Variants in MAMLD1 observed in about 807,000 individuals in gnomAD.
MAMLD1 encodes mastermind like domain containing 1, also known as mastermind-like domain-containing protein 1.
Under a neutral mutation model 45.0 loss-of-function variants are expected in MAMLD1, and 14 were observed. That is an observed-to-expected ratio of 0.31 (90% CI 0.21 to 0.49). The LOEUF is 0.49. MAMLD1 is among the 20% of genes least tolerant of loss of function. MAMLD1 has a pLI of 0.99. For missense variants in MAMLD1, 543 were observed against 603.6 expected, an observed-to-expected ratio of 0.90 and a Z score of 1.05; for synonymous variants, 254 against 247.8, an observed-to-expected ratio of 1.02 and a Z score of -0.24.
At chrX:150,455,419 C>A (rs782156530) in intron 2 of MAMLD1, among the ~76,000 whole-genome samples, 2 of 112,098 alleles carry the variant, frequency 1.8e-5, no homozygotes, top group South Asian at 7.5e-4. Context: ...GCAAATGCTG[C>A]TGAGTAAACC....
intron 2 of MAMLD1, among the ~76,000 whole-genome samples, chrX:150,456,808 C>T (rs187796656): frequency 0.036 from 4,054 of 112,260 alleles, 184 homozygotes; most frequent in African/African-American, 0.12. Flanking sequence ...AGGAGCTCAC[C>T]TTTTCAGGGT....
chrX:150,448,647 G>T (rs1181654039), intron 2 of MAMLD1, among the ~76,000 whole-genome samples: 1 of 112,270 alleles, frequency 8.9e-6, no homozygotes, highest in Admixed American at 9.4e-5. Flanking sequence ...GGTTAATAAG[G>T]CATCCAGTCT....
Position 150,368,087 on chromosome X carries a change from G to A in MAMLD1, c.-64+4557G>A, listed in dbSNP as rs782169706. On this transcript the variant is annotated intron_variant, in intron 1 of 7. Coordinates refer to ENST00000370401, the MANE Select transcript of MAMLD1 (RefSeq NM_005491.5). The stretch of plus-strand genomic sequence containing the variant: ...TGGGTATATACCCAGTAATGGGATG[G>A]CTGGGTCAAATGGTATTTCTACTTC... Among the ~76,000 whole-genome samples the A allele has an allele frequency of 5.5e-3, 610 of 111,605 alleles. 3 individuals carry two copies. The highest frequency in any genetic ancestry group is 0.019 in the African/African-American group (584 of 30,605).
intron 5 of MAMLD1, among the ~76,000 whole-genome samples, chrX:150,490,775 A>G (rs1320739680): frequency 3.6e-5 from 4 of 111,953 alleles, no homozygotes; most frequent in African/African-American, 1.3e-4. Flanking sequence ...AAGACATAAA[A>G]ATCTTCAACA....
chrX:150,513,757 C>T lies in MAMLD1; in HGVS notation c.*1798C>T. 3.4e-6 allele frequency: 1 copy of T among 297,406 alleles called. No individual in the cohort carries two copies. The highest frequency in any genetic ancestry group is 5.9e-6 in the Non-Finnish European group (1 of 170,353). 24.5% of individuals were successfully genotyped at this position (297,406 alleles called of 1,213,427 possible). A position where few individuals can be genotyped will look rare whatever the true frequency, so the allele number is the denominator to read the frequency against. ...AGACAGTGTGTGAGCCGAGCCCTGT[C>T]TCAGCAATCCACCTGGAGGAGCTAG... On this transcript the variant is annotated 3_prime_UTR_variant, in exon 8 of 8. Coordinates refer to ENST00000370401, the MANE Select transcript of MAMLD1 (RefSeq NM_005491.5).
At position 150,402,816 on chromosome X, in the gene MAMLD1, G is replaced by A. The variant is rs809637; in HGVS notation, c.-64+39286G>A. Among the ~76,000 whole-genome samples, 11 of 110,353 alleles carry A rather than the reference G, an allele frequency of 1.0e-4. No individual in the cohort carries two copies. In the South Asian group the frequency reaches 1.6e-3, roughly 16 times the overall value. On this transcript the variant is annotated intron_variant, in intron 1 of 7. Coordinates refer to ENST00000370401, the MANE Select transcript of MAMLD1 (RefSeq NM_005491.5). ...AAATCATCATTCTCAGTAAACTATC[G>A]CAAGAACAAAAAACCAAACACCGTA... is the stretch of plus-strand genomic sequence containing the variant.
chrX:150,481,544 G>A (rs1474655052), intron 5 of MAMLD1, among the ~76,000 whole-genome samples: 2 of 111,799 alleles, frequency 1.8e-5, no homozygotes, highest in Non-Finnish European at 3.8e-5. Flanking sequence ...AGAATCGAAA[G>A]CAAGGCTGGA....
intron 5 of MAMLD1, among the ~76,000 whole-genome samples, chrX:150,496,230 G>T (rs1557408275): frequency 8.9e-6 from 1 of 112,502 alleles, no homozygotes; most frequent in Admixed American, 9.3e-5. Context: ...GGTGGGGGTT[G>T]GGGTGAGGGT....
At chrX:150,371,598 G>C (rs1306883980) in intron 1 of MAMLD1, among the ~76,000 whole-genome samples, 1 of 112,084 alleles carries the variant, frequency 8.9e-6, no homozygotes, top group Non-Finnish European at 1.9e-5. Context: ...ACAAAGTCAA[G>C]TAATTCTGAA....
intron 5 of MAMLD1, among the ~76,000 whole-genome samples, chrX:150,493,750 T>G (rs1055585429): frequency 8.9e-6 from 1 of 112,214 alleles, no homozygotes; most frequent in Admixed American, 9.4e-5. Context: ...TCATCTGTTT[T>G]GTGTTGATCC....
intron 1 of MAMLD1, among the ~76,000 whole-genome samples, chrX:150,423,348 C>CTGTGTGTGTGTGTGTGTGTG (rs1246327427): frequency 1.7e-3 from 13 of 7,825 alleles, no homozygotes; most frequent in African/African-American, 2.0e-3. Flanking sequence ...ACATTATACT[C>CTGTGTGTGTGTGTGTGTGTG]TGTGTGTGTG....
intron 1 of MAMLD1, among the ~76,000 whole-genome samples, chrX:150,376,394 A>G (rs1419433304): frequency 9.0e-6 from 1 of 111,087 alleles, no homozygotes; most frequent in Non-Finnish European, 1.9e-5. Context: ...ATTCCTTTAG[A>G]GACCCCTTGT....
At chrX:150,453,034 G>A (rs1015905620) in intron 2 of MAMLD1, among the ~76,000 whole-genome samples, 2 of 110,658 alleles carry the variant, frequency 1.8e-5, no homozygotes, top group Non-Finnish European at 1.9e-5. Flanking sequence ...CTTGCACTAC[G>A]GAAGAAATCT....
chrX:150,493,091 A>G (rs1557408034), intron 5 of MAMLD1, among the ~76,000 whole-genome samples: 3 of 112,001 alleles, frequency 2.7e-5, no homozygotes, highest in African/African-American at 6.5e-5. Flanking sequence ...GTTGAAATAC[A>G]TACTTGAGTG....
intron 1 of MAMLD1, among the ~76,000 whole-genome samples, chrX:150,366,278 G>A (rs2031441026): frequency 8.9e-6 from 1 of 111,746 alleles, no homozygotes. Flanking sequence ...TTATTGATAA[G>A]TGCTGCTCAA....
intron 6 of MAMLD1, among the ~76,000 whole-genome samples, chrX:150,505,743 GCT>G (rs2148361696): frequency 8.9e-6 from 1 of 112,867 alleles, no homozygotes; most frequent in African/African-American, 3.2e-5. Flanking sequence ...TGAGTCACAG[GCT>G]CTGAGAGTTA....
intron 4 of MAMLD1, among the ~76,000 whole-genome samples, chrX:150,472,193 C>T (rs1412637896): frequency 8.9e-6 from 1 of 111,993 alleles, no homozygotes; most frequent in South Asian, 3.7e-4. Context: ...TCCCTCATCT[C>T]CTCCAGGCTT....
intron 1 of MAMLD1, among the ~76,000 whole-genome samples, chrX:150,423,482 C>T (rs2034597304): frequency 9.2e-6 from 1 of 108,445 alleles, no homozygotes; most frequent in Non-Finnish European, 1.9e-5. Flanking sequence ...GTAGAACAAC[C>T]GGAGTAGCAA....
chrX:150,454,696 C>G (rs1251393685), intron 2 of MAMLD1, among the ~76,000 whole-genome samples: 1 of 111,101 alleles, frequency 9.0e-6, no homozygotes, highest in Non-Finnish European at 1.9e-5. Context: ...GGAACTCACC[C>G]TGATCCCAAC....
Sources: gnomAD v4.1 joint callset for allele counts (sites outside exome capture counted in the v4.1 genomes callset) on GRCh38, gnomAD v4.1.1 for gene constraint, MANE v1.5 for transcripts, NCBI Gene and HGNC (gene_info 2026-07-23, HGNC 2026-07-21) for gene names.